Variants in CNGA1 observed in about 807,000 individuals in gnomAD.
The protein encoded by CNGA1 is cyclic nucleotide-gated channel alpha-1.
CNGA1 carries 53 observed loss-of-function variants against 69.7 expected under a neutral mutation model. The ratio of observed to expected loss-of-function variants is 0.76; its 90% CI spans 0.61 to 0.96. The LOEUF (loss-of-function observed/expected upper bound fraction) is 0.96. CNGA1 is among the 40% of genes least tolerant of loss of function. CNGA1 has a pLI of 0.00. For missense variants in CNGA1, 739 were observed against 811.2 expected, an observed-to-expected ratio of 0.91 and a Z score of 1.08; for synonymous variants, 249 against 283.5, an observed-to-expected ratio of 0.88 and a Z score of 1.22.
chr4:47,943,690 A>G (rs1739230729), intron 6 of CNGA1, among the ~76,000 whole-genome samples: 1 of 152,216 alleles, frequency 6.6e-6, no homozygotes, highest in Admixed American at 6.5e-5. Flanking sequence ...AATTTAAGAA[A>G]CAACAGCCCC....
intron 2 of CNGA1, among the ~76,000 whole-genome samples, chr4:47,984,663 TACACACACACAC>T (rs60055899): frequency 0.077 from 9,770 of 127,262 alleles, 852 homozygotes; most frequent in African/African-American, 0.22. Flanking sequence ...TATATATATA[TACACACACACAC>T]ACACACACAC....
At chr4:48,000,958 G>A (rs913299891) in intron 2 of CNGA1, among the ~76,000 whole-genome samples, 1 of 152,036 alleles carries the variant, frequency 6.6e-6, no homozygotes, top group Admixed American at 6.6e-5. Context: ...CTACATTATA[G>A]GAAATATCAA....
chr4:47,966,374 C>T (rs572778641), intron 3 of CNGA1, among the ~76,000 whole-genome samples: 1 of 152,196 alleles, frequency 6.6e-6, no homozygotes, highest in Non-Finnish European at 1.5e-5. Context: ...TACCCACTTA[C>T]ACACACAAAC....
intron 3 of CNGA1, among the ~76,000 whole-genome samples, chr4:47,977,030 T>C (rs1422498645): frequency 2.0e-5 from 3 of 152,226 alleles, no homozygotes; most frequent in Non-Finnish European, 1.5e-5. Context: ...AAATGAGCTT[T>C]CTTGGCAGAG....
At chr4:47,984,111 G>T (rs1426953449) in intron 2 of CNGA1, among the ~76,000 whole-genome samples, 1 of 152,126 alleles carries the variant, frequency 6.6e-6, no homozygotes, top group Non-Finnish European at 1.5e-5. Context: ...TTGACATCTG[G>T]AAGGTAAAAA....
intron 2 of CNGA1, among the ~76,000 whole-genome samples, chr4:47,993,656 T>C (rs1272557706): frequency 6.6e-6 from 1 of 152,092 alleles, no homozygotes; most frequent in Admixed American, 6.6e-5. Context: ...TTCATTTATC[T>C]TTTGTATTGG....
chr4:47,976,164 T>C lies in CNGA1; in HGVS notation c.-15+5229A>G, dbSNP rs868749497. Among the ~76,000 whole-genome samples the C allele has an allele frequency of 7.5e-4, 31 of 41,406 alleles. 1 individual carries two copies. The highest frequency in any genetic ancestry group is 1.6e-3 in the Admixed American group (6 of 3,698). 27.2% of individuals were successfully genotyped at this position (41,406 alleles called of 152,430 possible). On this transcript the variant is annotated intron_variant, in intron 3 of 10. Transcript: ENST00000514170. ...ACTTTCATATGTATATATATATATA[T>C]ATATATACACATACATATATATATA... is the stretch of plus-strand genomic sequence containing the variant.
chr4:47,940,725 C>T, intron 10 of CNGA1, 38 bp downstream of exon 10: 1 of 1,275,310 alleles, frequency 7.8e-7, no homozygotes, highest in South Asian at 1.2e-5. Flanking sequence ...GAGATAAAAG[C>T]ATGAAATTTT....
At chr4:47,980,883 G>A (rs59252780) in intron 3 of CNGA1, among the ~76,000 whole-genome samples, 80,511 of 139,862 alleles carry the variant, frequency 0.58, 23,084 homozygotes, top group Non-Finnish European at 0.65. Context: ...ATCCTCGGGC[G>A]AGGCACTTAA....
intron 3 of CNGA1, among the ~76,000 whole-genome samples, chr4:47,967,934 C>T (rs566258432): frequency 7.2e-5 from 11 of 151,906 alleles, no homozygotes; most frequent in South Asian, 4.2e-4. Flanking sequence ...GCCTAGATCA[C>T]GCCACTGCAC....
rs538608346 is a variant in CNGA1, at chr4:47,991,931, C to T, written c.-122-10431G>A. ...CCATTTGTTGAAAAGGATGCCCTTT[C>T]CCCACTTTATGTTTTTGTTTGCTTT... On this transcript the variant is annotated intron_variant, in intron 2 of 10. Coordinates refer to ENST00000514170, the MANE Select transcript of CNGA1 (RefSeq NM_001379270.1). 2.6e-5 allele frequency among the ~76,000 whole-genome samples: 4 copies of T among 152,250 alleles called. No homozygotes were observed. In the South Asian group the frequency reaches 8.3e-4, roughly 32 times the overall value.
intron 3 of CNGA1, among the ~76,000 whole-genome samples, chr4:47,978,720 A>C (rs1289075461): frequency 6.6e-6 from 1 of 152,166 alleles, no homozygotes; most frequent in African/African-American, 2.4e-5. Flanking sequence ...GAACAATGTT[A>C]AATAATAGAT....
At chr4:47,973,962 G>C (rs897397202) in intron 3 of CNGA1, among the ~76,000 whole-genome samples, 1 of 151,988 alleles carries the variant, frequency 6.6e-6, no homozygotes, top group South Asian at 2.1e-4. Context: ...GGTGGTTGAG[G>C]CGGGCGGATC....
intron 2 of CNGA1, among the ~76,000 whole-genome samples, chr4:47,988,628 A>G (rs574783922): frequency 6.6e-6 from 1 of 152,156 alleles, no homozygotes; most frequent in Non-Finnish European, 1.5e-5. Context: ...TCCAGGACTC[A>G]ATGATATTAT....
At chr4:48,011,945 A>G (rs1416436007) in intron 1 of CNGA1, among the ~76,000 whole-genome samples, 2 of 152,202 alleles carry the variant, frequency 1.3e-5, no homozygotes, top group Non-Finnish European at 2.9e-5. Context: ...TTCAGATCTT[A>G]GTTAATCGCT....
intron 2 of CNGA1, among the ~76,000 whole-genome samples, chr4:47,983,150 GTTTAC>G (rs1288179699): frequency 6.6e-6 from 1 of 152,154 alleles, no homozygotes; most frequent in East Asian, 1.9e-4. Flanking sequence ...TGTGATTAGT[GTTTAC>G]TTAGAAATTA....
intron 2 of CNGA1, among the ~76,000 whole-genome samples, chr4:47,991,817 T>C (rs1742282752): frequency 1.3e-5 from 2 of 152,200 alleles, no homozygotes; most frequent in Non-Finnish European, 1.5e-5. Flanking sequence ...GTTTAAGTCT[T>C]TAATCCATCT....
intron 3 of CNGA1, among the ~76,000 whole-genome samples, chr4:47,957,733 A>G (rs1483233686): frequency 6.6e-6 from 1 of 152,188 alleles, no homozygotes; most frequent in African/African-American, 2.4e-5. Flanking sequence ...ATGATAAGAA[A>G]CATCTTTATG....
chr4:47,938,445 G>A (rs528602379), intron 10 of CNGA1, among the ~76,000 whole-genome samples: 4 of 150,906 alleles, frequency 2.7e-5, no homozygotes, highest in Non-Finnish European at 5.9e-5. Flanking sequence ...CTAGGCTGGA[G>A]TGCAGTGGTG....
Sources: allele counts gnomAD v4.1 joint callset (sites outside exome capture counted in the v4.1 genomes callset), GRCh38; gene constraint gnomAD v4.1.1; transcripts MANE v1.5; gene names NCBI Gene and HGNC (gene_info 2026-07-23, HGNC 2026-07-21).